Variants in CEP68 observed in about 807,000 individuals in gnomAD.
CEP68 encodes centrosomal protein of 68 kDa.
A neutral mutation model predicts 55.3 loss-of-function variants in CEP68; 26 were observed. The observed-to-expected ratio is 0.47, with a 90% confidence interval of 0.34 to 0.65. CEP68 has a LOEUF of 0.65. CEP68 is among the 30% of genes least tolerant of loss of function. The pLI, the probability that CEP68 is intolerant of heterozygous loss-of-function variation, is 0.01. For synonymous variants in CEP68, 402 were observed against 383.2 expected, an observed-to-expected ratio of 1.05 and a Z score of -0.57; for missense variants, 957 against 946.7, an observed-to-expected ratio of 1.01 and a Z score of -0.14.
chr2:65,063,047 A>G (rs1281800623), intron 1 of CEP68, among the ~76,000 whole-genome samples: 1 of 152,200 alleles, frequency 6.6e-6, no homozygotes, highest in Admixed American at 6.5e-5. Flanking sequence ...GTGATGCAGC[A>G]TATACGAAGA....
At chr2:65,059,582 C>G (rs191694764) in intron 1 of CEP68, among the ~76,000 whole-genome samples, 1 of 152,202 alleles carries the variant, frequency 6.6e-6, no homozygotes, top group African/African-American at 2.4e-5. Flanking sequence ...TTCTAATGTC[C>G]TGTTGCAAAG....
At position 65,082,674 on chromosome 2, in the gene CEP68, C is replaced by T. The variant is rs540340877; in HGVS notation, c.2243C>T (p.Ala748Val). The T allele has an allele frequency of 3.1e-5, 50 of 1,603,858 alleles. No individual in the cohort carries two copies. In the African/African-American group the frequency reaches 3.8e-4, roughly 12 times the overall value. The change falls in exon 6 of 7, where the codon GCG becomes GTG. Residue 748 changes from alanine (A) to valine (V), a missense_variant. By Grantham distance (64) the Ala-to-Val change is moderately conservative (BLOSUM62 0). Coordinates refer to ENST00000377990, the MANE Select transcript of CEP68 (RefSeq NM_015147.3). ...CTLIPDKKPMAAMEHPCEGV is the reference protein window; with the variant it reads ...CTLIPDKKPMVAMEHPCEGV ...CTTATCCCTGACAAAAAGCCCATGG[C>T]GGCAATGGAGCACCCATGTGAAGGG...
chr2:65,077,159 C>T (rs929193468), intron 4 of CEP68, among the ~76,000 whole-genome samples: 1 of 151,986 alleles, frequency 6.6e-6, no homozygotes, highest in Non-Finnish European at 1.5e-5. Flanking sequence ...CCACACCCGG[C>T]TAATTTTTTT....
rs2103778136 is a variant in CEP68, at chr2:65,072,631, A to G, written c.1535A>G (p.Asp512Gly). ...ISTLVTLPTG[D>G]IKGQSPLEVS... Reference sequence around the variant, plus strand: ...ACCTTGGTTACCCTGCCCACTGGGGATATCAAAGGGCAGAGCCCCTTGGAA... The same window carrying G: ...ACCTTGGTTACCCTGCCCACTGGGGGTATCAAAGGGCAGAGCCCCTTGGAA... Residue 512 changes from aspartate (D) to glycine (G), a missense_variant, in exon 3 of 7, where the codon GAT becomes GGT. Coordinates refer to ENST00000377990, the MANE Select transcript of CEP68 (RefSeq NM_015147.3). 2 of 1,614,030 alleles carry G rather than the reference A, an allele frequency of 1.2e-6. No individual in the cohort carries two copies. The highest frequency in any genetic ancestry group is 3.3e-5 in the Admixed American group (2 of 60,016).
Position 65,084,844 on chromosome 2 carries a change from A to C in CEP68, c.*1210A>C, listed in dbSNP as rs570936651. On this transcript the variant is annotated 3_prime_UTR_variant, in exon 7 of 7. Transcript: ENST00000377990. ...TTCAAGTGCCTGATGCTGCTGTGGT[A>C]TGCTTTATCATAATGCTTAAGGGCA... 1.3e-5 allele frequency: 2 copies of C among 152,178 alleles called. No homozygotes were observed. Among genetic ancestry groups the C allele is most frequent in the Non-Finnish European group, 2.9e-5 (2 of 68,018 alleles). 9.4% of individuals were successfully genotyped at this position (152,178 alleles called of 1,614,324 possible).
chr2:65,063,309 C>T (rs754498513), intron 1 of CEP68, among the ~76,000 whole-genome samples: 51 of 152,184 alleles, frequency 3.4e-4, no homozygotes, highest in Non-Finnish European at 4.0e-4. Flanking sequence ...TGTGTACAGA[C>T]CTTTCTCAGA....
In CEP68 at chr2:65,072,488, C is replaced by G; in HGVS notation, c.1392C>G (p.Thr464=). 1.2e-6 allele frequency: 2 copies of G among 1,614,110 alleles called. No homozygotes were observed. Among genetic ancestry groups the G allele is most frequent in the East Asian group, 2.2e-5 (1 of 44,890 alleles). Reference sequence around the variant, plus strand: ...CCAGCCAGAGTGCCCGGCGCCCTACCTGCACAGAGTCTAGGTGGAAATCAG... The same window carrying G: ...CCAGCCAGAGTGCCCGGCGCCCTACGTGCACAGAGTCTAGGTGGAAATCAG... ...KRTSQSARRP[T]CTESRWKSEE... The change falls in exon 3 of 7, where the codon ACC becomes ACG. Residue 464 remains threonine (T), a synonymous_variant. Coordinates refer to ENST00000377990, the MANE Select transcript of CEP68 (RefSeq NM_015147.3).
rs1229125127 is a variant in CEP68 at position 65,069,638 on chromosome 2, C to T, written c.194C>T (p.Thr65Ile). The change falls in exon 2 of 7, where the codon ACT becomes ATT. Residue 65 changes from threonine (T) to isoleucine (I), a missense_variant. Coordinates refer to ENST00000377990, the MANE Select transcript of CEP68 (RefSeq NM_015147.3). ...GGGGCAGAAGGGATACCTGCCCCTA[C>T]TTGCTGGATTGGGACTGACCCTGGC... ...VWGAEGIPAP[T>I]CWIGTDPGGP... is the part of the protein sequence containing the mutation. 6.2e-7 allele frequency: 1 copy of T among 1,614,088 alleles called. No individual in the cohort carries two copies. Among genetic ancestry groups the T allele is most frequent in the Admixed American group, 1.7e-5 (1 of 60,024 alleles).
rs1242203669 is a variant in CEP68, at chr2:65,086,868, T to C, written c.*3234T>C. 1 of 152,670 alleles carries C rather than the reference T, an allele frequency of 6.6e-6. No individual in the cohort carries two copies. Among genetic ancestry groups the C allele is most frequent in the Admixed American group, 6.5e-5 (1 of 15,288 alleles). 9.5% of individuals were successfully genotyped at this position (152,670 alleles called of 1,614,324 possible). A position where few individuals can be genotyped will look rare whatever the true frequency, so the allele number is the denominator to read the frequency against. ...CACGCCTATAATACAAAGTAAACTATGATTTTTATTGTGAAATTTTCATAG... is the reference window on the plus strand; with the variant it reads ...CACGCCTATAATACAAAGTAAACTACGATTTTTATTGTGAAATTTTCATAG... On this transcript the variant is annotated 3_prime_UTR_variant, in exon 7 of 7. Coordinates refer to ENST00000377990, the MANE Select transcript of CEP68 (RefSeq NM_015147.3).
intron 3 of CEP68, chr2:65,073,438 G>T (rs1055867345): frequency 3.7e-6 from 1 of 268,776 alleles, no homozygotes; most frequent in African/African-American, 2.2e-5. Context: ...GCAAAGTTAG[G>T]GGCATTGGAT....
intron 5 of CEP68, among the ~76,000 whole-genome samples, chr2:65,081,172 G>T (rs1185293108): frequency 6.7e-6 from 1 of 149,574 alleles, no homozygotes; most frequent in Non-Finnish European, 1.5e-5. Context: ...GATTTGTGCC[G>T]CTGCACTCCA....
At position 65,071,507 on chromosome 2, in the gene CEP68, T is replaced by C; in HGVS notation, c.411T>C (p.Leu137=). 1.2e-6 allele frequency: 2 copies of C among 1,611,994 alleles called. No individual in the cohort carries two copies. The highest frequency in any genetic ancestry group is 1.7e-6 in the Non-Finnish European group (2 of 1,178,824). The change falls in exon 3 of 7, where the codon CTT becomes CTC. Residue 137 remains leucine, a synonymous_variant. Coordinates refer to ENST00000377990, the MANE Select transcript of CEP68 (RefSeq NM_015147.3). ...SSEEFPQTLS[L]PRTTTICSGH... ...AGGAGTTCCCTCAGACTCTGAGCCTTCCCAGAACAACAACTATTTGCTCAG... is the reference window on the plus strand; with the variant it reads ...AGGAGTTCCCTCAGACTCTGAGCCTCCCCAGAACAACAACTATTTGCTCAG...
chr2:65,061,230 T>C (rs576171360), intron 1 of CEP68, among the ~76,000 whole-genome samples: 5 of 152,168 alleles, frequency 3.3e-5, no homozygotes, highest in African/African-American at 9.6e-5. Context: ...AATGAGAACA[T>C]TGGCCTTGCT....
chr2:65,083,145 A>G (rs1558570879), intron 6 of CEP68, among the ~76,000 whole-genome samples: 1 of 152,142 alleles, frequency 6.6e-6, no homozygotes, highest in Non-Finnish European at 1.5e-5. Context: ...GACAGCACCA[A>G]GTGCTTAGAG....
At chr2:65,068,948 G>A (rs1393646008) in intron 1 of CEP68, among the ~76,000 whole-genome samples, 2 of 152,202 alleles carry the variant, frequency 1.3e-5, no homozygotes, top group African/African-American at 2.4e-5. Context: ...CTGACTTGCT[G>A]TTCTCTAGGA....
chr2:65,068,712 A>T (rs1365285731), intron 1 of CEP68, among the ~76,000 whole-genome samples: 1 of 152,150 alleles, frequency 6.6e-6, no homozygotes, highest in African/African-American at 2.4e-5. Context: ...CTGTAGTCCC[A>T]GCTACTCAGG....
Position 65,069,495 on chromosome 2 carries a change from G to A in CEP68, c.51G>A (p.Lys17=). 6.5e-7 allele frequency: 1 copy of A among 1,546,628 alleles called. No individual in the cohort carries two copies. The highest frequency in any genetic ancestry group is 1.2e-5 in the South Asian group (1 of 81,298). The part of the protein sequence containing the change: ...KAEAEASEDT[K]AQSYGRGSCR... Reference sequence around the variant, plus strand: ...AAGCGGAAGCATCTGAAGACACAAAGGCCCAGTCCTATGGGAGAGGGAGCT... The same window carrying A: ...AAGCGGAAGCATCTGAAGACACAAAAGCCCAGTCCTATGGGAGAGGGAGCT... The change falls in exon 2 of 7, where the codon AAG becomes AAA. Residue 17 remains lysine, a synonymous_variant. Coordinates refer to ENST00000377990, the MANE Select transcript of CEP68 (RefSeq NM_015147.3).
intron 5 of CEP68, among the ~76,000 whole-genome samples, chr2:65,079,123 G>A (rs1676894166): frequency 6.6e-6 from 1 of 152,166 alleles, no homozygotes; most frequent in African/African-American, 2.4e-5. Flanking sequence ...GAGTGAGATG[G>A]GATTTATACT....
chr2:65,059,297 T>A (rs1468784944), intron 1 of CEP68, among the ~76,000 whole-genome samples: 2 of 152,204 alleles, frequency 1.3e-5, no homozygotes, highest in East Asian at 3.8e-4. Context: ...ACTTTCTGGT[T>A]ACAGGAAACA....
Sources: allele counts gnomAD v4.1 joint callset (sites outside exome capture counted in the v4.1 genomes callset), GRCh38; gene constraint gnomAD v4.1.1; transcripts MANE v1.5; gene names NCBI Gene and HGNC (gene_info 2026-07-23, HGNC 2026-07-21).